ZNF33A: variants seen among roughly 807,000 people sequenced by gnomAD.
The protein encoded by ZNF33A is zinc finger protein 33A.
ZNF33A carries 9 observed loss-of-function variants against 15.9 expected under a neutral mutation model. The ratio of observed to expected loss-of-function variants is 0.57; its 90% CI spans 0.34 to 0.99. The LOEUF (loss-of-function observed/expected upper bound fraction) is 0.99, where lower values mean the gene tolerates loss of function less well. Ranked by LOEUF, ZNF33A falls within the 50% of genes least tolerant of loss-of-function variation. ZNF33A has a pLI of 0.02. For missense variants in ZNF33A, 843 were observed against 941.6 expected (o/e 0.90, Z 1.37); for synonymous variants, 294 against 324.2 (o/e 0.91, Z 1.00).
intron 4 of ZNF33A, among the ~76,000 whole-genome samples, chr10:38,050,356 G>A (rs1468386182): frequency 1.3e-5 from 2 of 152,240 alleles, no homozygotes; most frequent in African/African-American, 4.8e-5. Context: ...AGCAGTCAGT[G>A]TAATTCCCTG....
chr10:38,055,144 GAA>G lies in ZNF33A; in HGVS notation c.1021_1022del (p.Lys341ValfsTer19). On this transcript the variant is annotated frameshift_variant, in exon 5 of 5. Transcript: ENST00000432900. LOFTEE classifies it low-confidence loss of function (END_TRUNC). ...CNECGKAFWE[K>X]SHLTRHQRVH... is the part of the protein sequence containing the mutation. Reference sequence around the variant, plus strand: ...ATGAATGTGGGAAAGCTTTCTGGGAGAAGTCACATCTCACTCGACATCAGAGG... The same window carrying G: ...ATGAATGTGGGAAAGCTTTCTGGGAGGTCACATCTCACTCGACATCAGAGG... 6.2e-7 allele frequency: 1 copy of G among 1,614,078 alleles called. No individual in the cohort carries two copies. The highest frequency in any genetic ancestry group is 1.1e-5 in the South Asian group (1 of 91,082).
chr10:38,066,943 G>C (rs2066714969), downstream of ZNF33A, among the ~76,000 whole-genome samples: 1 of 152,020 alleles, frequency 6.6e-6, no homozygotes, highest in Admixed American at 6.6e-5. Flanking sequence ...AAACAAAACA[G>C]TAGAAAAGAA....
chr10:38,046,894 A>T lies in ZNF33A; in HGVS notation c.251-7481A>T, dbSNP rs1383331649. On this transcript the variant is annotated intron_variant, in intron 4 of 4. Transcript: ENST00000432900. The stretch of plus-strand genomic sequence containing the variant: ...TGCTTGACATGAGAAATACATGGCC[A>T]GCCATTGTTGTCTCATGCCTATAAA... 2.6e-5 allele frequency among the ~76,000 whole-genome samples: 4 copies of T among 152,344 alleles called. No homozygotes were observed. In the East Asian group the frequency reaches 5.8e-4, roughly 22 times the overall value.
chr10:38,018,344 A>G (rs1228101590), intron 4 of ZNF33A, among the ~76,000 whole-genome samples: 1 of 152,108 alleles, frequency 6.6e-6, no homozygotes, highest in African/African-American at 2.4e-5. Context: ...AGCAGGGGTA[A>G]TAGCAGCTGC....
At chr10:38,042,296 C>A (rs2065741093) in intron 4 of ZNF33A, among the ~76,000 whole-genome samples, 1 of 151,880 alleles carries the variant, frequency 6.6e-6, no homozygotes, top group Admixed American at 6.6e-5. Context: ...AGCGATTCTC[C>A]TGTCTCAGCC....
At chr10:38,066,771 C>T (rs1306206722), downstream of ZNF33A, among the ~76,000 whole-genome samples, 1 of 151,904 alleles carries the variant, frequency 6.6e-6, no homozygotes, top group African/African-American at 2.4e-5. Context: ...CCCATCTCTA[C>T]TAAAAATACA....
chr10:38,048,923 A>T (rs2066076561), intron 4 of ZNF33A, among the ~76,000 whole-genome samples: 1 of 152,156 alleles, frequency 6.6e-6, no homozygotes, highest in Non-Finnish European at 1.5e-5. Flanking sequence ...TTTATAAAAT[A>T]TCTTCTGCAC....
intron 4 of ZNF33A, among the ~76,000 whole-genome samples, chr10:38,024,049 G>A (rs1203080443): frequency 3.3e-5 from 5 of 151,418 alleles, no homozygotes; most frequent in African/African-American, 9.7e-5. Flanking sequence ...TCCCAGCTAC[G>A]TGGGAGGCAG....
intron 4 of ZNF33A, among the ~76,000 whole-genome samples, chr10:38,053,795 C>G (rs1358174048): frequency 6.6e-6 from 1 of 152,132 alleles, no homozygotes; most frequent in Non-Finnish European, 1.5e-5. Flanking sequence ...GAGTATTTTC[C>G]CACTCATAGT....
chr10:38,017,060 C>A (rs766700684), intron 3 of ZNF33A, 45 bp downstream of exon 3: 5 of 1,580,194 alleles, frequency 3.2e-6, no homozygotes, highest in Non-Finnish European at 4.3e-6. Context: ...TTTGTTTATT[C>A]TTTTGATTAT....
At chr10:38,026,263 C>G (rs1000907808) in intron 4 of ZNF33A, among the ~76,000 whole-genome samples, 7 of 15,428 alleles carry the variant, frequency 4.5e-4, no homozygotes, top group African/African-American at 1.6e-3. Flanking sequence ...GAGTAGAATT[C>G]TTTTATCAAA....
At chr10:38,067,007 C>T (rs1392004496), downstream of ZNF33A, among the ~76,000 whole-genome samples, 2 of 152,172 alleles carry the variant, frequency 1.3e-5, no homozygotes, top group Non-Finnish European at 2.9e-5. Flanking sequence ...ACCTCACTGT[C>T]CTCAATATGA....
chr10:38,018,854 A>G (rs1590474021), intron 4 of ZNF33A, among the ~76,000 whole-genome samples: 1 of 152,188 alleles, frequency 6.6e-6, no homozygotes, highest in Non-Finnish European at 1.5e-5. Flanking sequence ...ATATAAAACT[A>G]CACATTCCCG....
In ZNF33A at chr10:38,057,035, G is replaced by T. The variant is rs1168812418; in HGVS notation, c.*475G>T. ...AGGATAATGTATAATCATAGTATATGGTCAAGTCCAAGAAATCGATGTTAC... is the reference window on the plus strand; with the variant it reads ...AGGATAATGTATAATCATAGTATATTGTCAAGTCCAAGAAATCGATGTTAC... On this transcript the variant is annotated 3_prime_UTR_variant, in exon 5 of 5. Transcript: ENST00000432900. The T allele has an allele frequency of 1.4e-6, 1 of 714,012 alleles. No individual in the cohort carries two copies. The highest frequency in any genetic ancestry group is 1.3e-4 in the East Asian group (1 of 7,744). 44.2% of individuals were successfully genotyped at this position (714,012 alleles called of 1,614,324 possible). A position where few individuals can be genotyped will look rare whatever the true frequency, so the allele number is the denominator to read the frequency against.
chr10:38,047,117 T>G (rs1391378106), intron 4 of ZNF33A, among the ~76,000 whole-genome samples: 1 of 141,312 alleles, frequency 7.1e-6, no homozygotes, highest in Non-Finnish European at 1.5e-5. Context: ...GAGGTGATGT[T>G]TCAGTGAGCC....
chr10:38,034,500 C>A (rs1185630882), intron 4 of ZNF33A, among the ~76,000 whole-genome samples: 1 of 152,148 alleles, frequency 6.6e-6, no homozygotes, highest in African/African-American at 2.4e-5. Context: ...TGGTAAAGTA[C>A]CTTTTTTGTC....
At chr10:38,040,874 C>T (rs1382885362) in intron 4 of ZNF33A, among the ~76,000 whole-genome samples, 1 of 152,050 alleles carries the variant, frequency 6.6e-6, no homozygotes, top group East Asian at 1.9e-4. Context: ...GTTGAAACCC[C>T]TTTGTATGTT....
chr10:38,013,361 A>G (rs1364040570), intron 2 of ZNF33A, among the ~76,000 whole-genome samples: 3 of 151,156 alleles, frequency 2.0e-5, no homozygotes, highest in Non-Finnish European at 4.4e-5. Flanking sequence ...TGCTCTCCTC[A>G]GCCTCCCAAA....
intron 4 of ZNF33A, among the ~76,000 whole-genome samples, chr10:38,041,528 T>C (rs1242962764): frequency 6.6e-6 from 1 of 151,942 alleles, no homozygotes; most frequent in Non-Finnish European, 1.5e-5. Flanking sequence ...CTCTATTTGT[T>C]ATTTTTATAT....
Sources: gnomAD v4.1 joint callset for allele counts (sites outside exome capture counted in the v4.1 genomes callset) on GRCh38, gnomAD v4.1.1 for gene constraint, MANE v1.5 for transcripts, NCBI Gene and HGNC (gene_info 2026-07-23, HGNC 2026-07-21) for gene names.